Variants in RAB11FIP3 observed in about 807,000 individuals in gnomAD.
RAB11FIP3 encodes rab11 family-interacting protein 3.
A neutral mutation model predicts 77.8 loss-of-function variants in RAB11FIP3; 17 were observed. The ratio of observed to expected loss-of-function variants is 0.22; its 90% confidence interval spans 0.15 to 0.33. The LOEUF (loss-of-function observed/expected upper bound fraction) is 0.33, where lower values mean the gene tolerates loss of function less well. RAB11FIP3 is among the 10% of genes least tolerant of loss of function. The pLI, the probability that RAB11FIP3 is intolerant of heterozygous loss-of-function variation, is 1.00. For synonymous variants in RAB11FIP3, 437 were observed against 448.2 expected (o/e 0.98, Z 0.31); for missense variants, 1,005 against 1,011.2 (o/e 0.99, Z 0.08).
chr16:457,508 C>T (rs1278921550), intron 1 of RAB11FIP3, among the ~76,000 whole-genome samples: 2 of 145,390 alleles, frequency 1.4e-5, no homozygotes, highest in Non-Finnish European at 3.0e-5. Flanking sequence ...TTCACAGTTT[C>T]ACCTTTTTTT....
At chr16:475,219 CT>C in intron 3 of RAB11FIP3, 1 of 1,174,690 alleles carries the variant, frequency 8.5e-7, no homozygotes, top group Non-Finnish European at 1.1e-6. Flanking sequence ...ACTGATGGCC[CT>C]GAACGGGCTT....
At chr16:483,521 G>A (rs2056088390) in intron 4 of RAB11FIP3, among the ~76,000 whole-genome samples, 1 of 152,214 alleles carries the variant, frequency 6.6e-6, no homozygotes, top group African/African-American at 2.4e-5. Context: ...TGACTCTAGT[G>A]TAGCATCACA....
intron 1 of RAB11FIP3, among the ~76,000 whole-genome samples, chr16:446,173 G>C (rs1485047721): frequency 6.6e-6 from 1 of 152,076 alleles, no homozygotes; most frequent in African/African-American, 2.4e-5. Flanking sequence ...GAGCCCAAGA[G>C]TTTGAAGCTG....
intron 2 of RAB11FIP3, among the ~76,000 whole-genome samples, chr16:468,745 G>C (rs2055760762): frequency 6.6e-6 from 1 of 152,160 alleles, no homozygotes; most frequent in Non-Finnish European, 1.5e-5. Flanking sequence ...ACACCCTCAC[G>C]CTTTGGAAGA....
intron 2 of RAB11FIP3, among the ~76,000 whole-genome samples, chr16:465,414 G>C (rs1343115580): frequency 6.6e-6 from 1 of 152,134 alleles, no homozygotes; most frequent in Non-Finnish European, 1.5e-5. Flanking sequence ...ATTTTACATA[G>C]CCATAATAGT....
At chr16:451,741 A>G (rs1266721836) in intron 1 of RAB11FIP3, among the ~76,000 whole-genome samples, 1 of 152,134 alleles carries the variant, frequency 6.6e-6, no homozygotes, top group African/African-American at 2.4e-5. Flanking sequence ...AGGCTGAGGC[A>G]GGAGAATTGT....
chr16:466,807 GT>G (rs1158520607), intron 2 of RAB11FIP3, among the ~76,000 whole-genome samples: 1 of 152,178 alleles, frequency 6.6e-6, no homozygotes, highest in East Asian at 1.9e-4. Flanking sequence ...GGGGCACCCC[GT>G]TCTCCTTCCC....
At chr16:446,688 A>G (rs566076138) in intron 1 of RAB11FIP3, among the ~76,000 whole-genome samples, 2 of 151,822 alleles carry the variant, frequency 1.3e-5, no homozygotes, top group Non-Finnish European at 1.5e-5. Context: ...TTATTCATAT[A>G]TCTCAAACTT....
In RAB11FIP3 at chr16:506,107, T is replaced by C. The variant is rs1319082092; in HGVS notation, c.1499+480T>C. On this transcript the variant is annotated intron_variant, in intron 8 of 13. Coordinates refer to ENST00000262305, the MANE Select transcript of RAB11FIP3 (RefSeq NM_014700.4). The surrounding 1 kb of genome is among the most constrained non-coding windows in gnomAD (Gnocchi z 4.5). ...GCGACAGGACGCGCAGTCTCATCGC[T>C]GTGGGCAGGAGTGCTGGGGAGGAAG... Among the ~76,000 whole-genome samples, 1 of 152,154 alleles carries C rather than the reference T, an allele frequency of 6.6e-6. No homozygotes were observed. The highest frequency in any genetic ancestry group is 6.5e-5 in the Admixed American group (1 of 15,272).
chr16:476,869 T>C (rs2055920213), intron 3 of RAB11FIP3, among the ~76,000 whole-genome samples: 1 of 151,490 alleles, frequency 6.6e-6, no homozygotes, highest in Admixed American at 6.6e-5. Context: ...GGTGGGCAGA[T>C]CACAAGGTCA....
intron 3 of RAB11FIP3, among the ~76,000 whole-genome samples, chr16:473,251 A>G (rs1366840446): frequency 2.6e-5 from 4 of 152,226 alleles, no homozygotes; most frequent in Non-Finnish European, 5.9e-5. Context: ...TCACTTCAGA[A>G]GGGTGGGAAC....
At position 492,507 on chromosome 16, in the gene RAB11FIP3, C is replaced by CCGT. The variant is rs1596271867; in HGVS notation, c.1265+3508_1265+3509insGTC. 7.8e-4 allele frequency among the ~76,000 whole-genome samples: 44 copies of CCGT among 56,294 alleles called. 3 individuals carry two copies. The highest frequency in any genetic ancestry group is 4.1e-3 in the African/African-American group (44 of 10,654). 36.9% of individuals were successfully genotyped at this position (56,294 alleles called of 152,430 possible). A position where few individuals can be genotyped will look rare whatever the true frequency, so the allele number is the denominator to read the frequency against. ...GGCCCTCCCGGGAGACCCGAGGCCG[C>CCGT]CCAGGGCCCTCCCGGGAGACCCGAG... is the stretch of plus-strand genomic sequence containing the variant. On this transcript the variant is annotated intron_variant, in intron 5 of 13. Coordinates refer to ENST00000262305, the MANE Select transcript of RAB11FIP3 (RefSeq NM_014700.4).
In RAB11FIP3 at chr16:471,311, C is replaced by T; in HGVS notation, c.825C>T (p.Cys275=). ...TCCCTGCAGATCCTGATGGCCAGTG[C>T]TACGGTGGTGTCGCTTCTGCCCAAG... ...AIRNGDPDGQ[C]YGGVASAQDE... Residue 275 remains cysteine, a synonymous_variant, in exon 3 of 14, where the codon TGC becomes TGT. Transcript: ENST00000262305. This position sits in a 1 kb window ranked among gnomAD's most constrained non-coding sequence, Gnocchi z 4.4. The T allele has an allele frequency of 6.2e-7, 1 of 1,613,938 alleles. No homozygotes were observed. Among genetic ancestry groups the T allele is most frequent in the Non-Finnish European group, 8.5e-7 (1 of 1,179,870 alleles).
At chr16:520,073 G>A in intron 11 of RAB11FIP3, 49 bp from the exon 12 acceptor site, 1 of 1,539,256 alleles carries the variant, frequency 6.5e-7, no homozygotes, top group Non-Finnish European at 8.8e-7. Flanking sequence ...GGCTGACGGT[G>A]GCCCCTGGGA....
At chr16:459,381 C>T (rs532295381) in intron 1 of RAB11FIP3, among the ~76,000 whole-genome samples, 1 of 151,766 alleles carries the variant, frequency 6.6e-6, no homozygotes, top group South Asian at 2.1e-4. Flanking sequence ...CTGCTTCAGC[C>T]TCCCAAAGTG....
rs2031869044 is a variant in RAB11FIP3, at chr16:506,221, C to A, written c.1499+594C>A. Among the ~76,000 whole-genome samples the A allele has an allele frequency of 6.6e-6, 1 of 152,108 alleles. No individual in the cohort carries two copies. Among genetic ancestry groups the A allele is most frequent in the South Asian group, 2.1e-4 (1 of 4,816 alleles). On this transcript the variant is annotated intron_variant, in intron 8 of 13. Coordinates refer to ENST00000262305, the MANE Select transcript of RAB11FIP3 (RefSeq NM_014700.4). The surrounding 1 kb of genome is among the most constrained non-coding windows in gnomAD (Gnocchi z 4.5). Reference sequence around the variant, plus strand: ...ACTTTTCTTAGAATACCGTGTAATTCTCGGTGTTTTTCACACGAGGCACGC... The same window carrying A: ...ACTTTTCTTAGAATACCGTGTAATTATCGGTGTTTTTCACACGAGGCACGC...
chr16:482,787 T>C (rs544229182), intron 4 of RAB11FIP3, 51 bp downstream of exon 4: 11 of 1,525,442 alleles, frequency 7.2e-6, no homozygotes, highest in Non-Finnish European at 8.8e-6. Context: ...TGTGGCACCC[T>C]GTGGAGGTGT....
chr16:520,619 C>T lies in RAB11FIP3; in HGVS notation c.2157+20C>T, dbSNP rs747135389. On this transcript the variant is annotated intron_variant, in intron 13 of 13. Coordinates refer to ENST00000262305, the MANE Select transcript of RAB11FIP3 (RefSeq NM_014700.4). ...GATGAGGTAACACATCCCGTGTCTGCACGGTGTGGCCTGGGGTCCACAGTC... is the reference window on the plus strand; with the variant it reads ...GATGAGGTAACACATCCCGTGTCTGTACGGTGTGGCCTGGGGTCCACAGTC... 8.1e-6 allele frequency: 13 copies of T among 1,612,192 alleles called. No individual in the cohort carries two copies. In the African/African-American group the frequency reaches 1.2e-4, roughly 15 times the overall value.
intron 5 of RAB11FIP3, among the ~76,000 whole-genome samples, chr16:489,773 C>T (rs1001094602): frequency 2.9e-5 from 3 of 104,064 alleles, no homozygotes; most frequent in African/African-American, 6.8e-5. Context: ...GAGGGCGGTG[C>T]AGGAGGGGCT....
Sources: gnomAD v4.1 joint callset for allele counts (sites outside exome capture counted in the v4.1 genomes callset) on GRCh38, gnomAD v4.1.1 for gene constraint, Gnocchi (gnomAD v3.1) non-coding constraint, MANE v1.5 for transcripts, NCBI Gene and HGNC (gene_info 2026-07-23, HGNC 2026-07-21) for gene names.